The following AHCTF1 variants were observed in gnomAD, a reference collection of about 807,000 sequenced individuals.
The protein encoded by AHCTF1 is protein ELYS.
In AHCTF1, 24 loss-of-function variants were observed where a neutral mutation model predicts 248.4. The observed-to-expected ratio is 0.10, with a 90% CI of 0.07 to 0.14. The LOEUF is 0.14. AHCTF1 is among the 10% of genes least tolerant of loss of function. The probability of loss-of-function intolerance (pLI) is 1.00; values close to 1 mark genes in which losing one functional copy is unlikely to be tolerated. For synonymous variants in AHCTF1, 786 were observed against 929.8 expected, an observed-to-expected ratio of 0.85 and a Z score of 2.81; for missense variants, 2,206 against 2,636.2, an observed-to-expected ratio of 0.84 and a Z score of 3.57.
chr1:246,887,918 G>A (rs1254939027), intron 19 of AHCTF1, among the ~76,000 whole-genome samples: 2 of 152,120 alleles, frequency 1.3e-5, no homozygotes, highest in Admixed American at 1.3e-4. Context: ...CTTTTTGAGT[G>A]TCTTGGACAC....
In AHCTF1 at chr1:246,916,460, C is replaced by T. The variant is rs1666154042; in HGVS notation, c.122-65G>A. On this transcript the variant is annotated intron_variant, in intron 2 of 35. Coordinates refer to ENST00000648844, the MANE Select transcript of AHCTF1 (RefSeq NM_001323342.2). ...ACACAAAACATGCAATAACGGTTAG[C>T]TCATTTACATACAACTATATGTTCA... 4 of 1,406,790 alleles carry T rather than the reference C, an allele frequency of 2.8e-6. No homozygotes were observed. The East Asian group carries it at 9.2e-5, about 32-fold the overall frequency. 87.1% of individuals were successfully genotyped at this position (1,406,790 alleles called of 1,614,324 possible).
chr1:246,897,706 C>G (rs1352341912), intron 12 of AHCTF1, among the ~76,000 whole-genome samples: 1 of 151,926 alleles, frequency 6.6e-6, no homozygotes, highest in Non-Finnish European at 1.5e-5. Flanking sequence ...ACAGGCTGGG[C>G]AAGGTGGCTC....
intron 24 of AHCTF1, 88 bp from the exon 25 acceptor site, chr1:246,867,899 C>CCT (rs1553291123): frequency 1.4e-5 from 8 of 557,362 alleles, no homozygotes; most frequent in Non-Finnish European, 2.1e-5. Flanking sequence ...ACACCCCCCC[C>CCT]CCCACACACA....
At chr1:246,868,972 G>A (rs1003218685) in intron 24 of AHCTF1, among the ~76,000 whole-genome samples, 2 of 142,886 alleles carry the variant, frequency 1.4e-5, no homozygotes, top group African/African-American at 2.7e-5. Context: ...AGCCTGCTGA[G>A]TAGCTGGGAC....
rs1663887232 is a variant in AHCTF1 at position 246,887,306 on chromosome 1, T to G, written c.2377A>C (p.Thr793Pro). ...IMYSFPNKTD[T>P]PIESFPTVFA... ...ACAGTTGGGAAAGATTCAATGGGAG[T>G]GTCTGTTTTGTTGGGAAAGGAATAC... is the stretch of plus-strand genomic sequence containing the variant. Residue 793 changes from threonine to proline, a missense_variant, in exon 20 of 36, where the codon ACT (threonine) becomes CCT (proline). Transcript: ENST00000648844. The G allele has an allele frequency of 2.5e-6, 4 of 1,612,978 alleles. No homozygotes were observed. The highest frequency in any genetic ancestry group is 2.2e-5 in the East Asian group (1 of 44,752).
At chr1:246,860,057 C>T (rs1404589244) in intron 29 of AHCTF1, among the ~76,000 whole-genome samples, 1 of 151,994 alleles carries the variant, frequency 6.6e-6, no homozygotes, top group Non-Finnish European at 1.5e-5. Context: ...GTCAGGAGTT[C>T]GAGACCAGCC....
At chr1:246,868,993 C>T (rs375884310) in intron 24 of AHCTF1, among the ~76,000 whole-genome samples, 2,817 of 151,354 alleles carry the variant, frequency 0.019, 47 homozygotes, top group Non-Finnish European at 0.027. Context: ...TACAGGCGCC[C>T]GCCACCATGC....
chr1:246,847,624 C>T (rs111816815), intron 33 of AHCTF1, among the ~76,000 whole-genome samples: 27,891 of 152,084 alleles, frequency 0.18, 4,228 homozygotes, highest in African/African-American at 0.42. Flanking sequence ...CTCAGCCTCC[C>T]AAGTAGCTGG....
At position 246,849,061 on chromosome 1, in the gene AHCTF1, C is replaced by A. The variant is rs77241159; in HGVS notation, c.6391+554G>T. On this transcript the variant is annotated intron_variant, in intron 33 of 35. Coordinates refer to ENST00000648844, the MANE Select transcript of AHCTF1 (RefSeq NM_001323342.2). ...ATGTGCTCCCTTTGGGGAGAGATCA[C>A]CCCTGTTGAGAAGCTCTGACCTACA... Among the ~76,000 whole-genome samples, 992 of 152,216 alleles carry A rather than the reference C, an allele frequency of 6.5e-3. 7 individuals carry two copies. Among genetic ancestry groups the A allele is most frequent in the African/African-American group, 0.022 (910 of 41,528 alleles).
Position 246,851,062 on chromosome 1 carries a change from G to A in AHCTF1, c.4944C>T (p.Asp1648=), listed in dbSNP as rs1461096806. 1.9e-6 allele frequency: 3 copies of A among 1,613,710 alleles called. No homozygotes were observed. The African/African-American group carries it at 4.0e-5, about 22-fold the overall frequency. The change falls in exon 33 of 36, where the codon GAC becomes GAT. Residue 1648 remains aspartate (D), a synonymous_variant. Transcript: ENST00000648844. The part of the protein sequence containing the change: ...IANLPSAVTS[D]QKSQKVDTLP... ...AAGTGTCTACTTTTTGGGACTTTTG[G>A]TCACTAGTTACGGCAGATGGCAAAT...
At chr1:246,870,323 TG>T (rs1232105269) in intron 24 of AHCTF1, among the ~76,000 whole-genome samples, 1 of 152,082 alleles carries the variant, frequency 6.6e-6, no homozygotes, top group East Asian at 1.9e-4. Context: ...CTCGGAAAGC[TG>T]AGGCAGGAGG....
chr1:246,882,994 T>C (rs899644959), intron 21 of AHCTF1, among the ~76,000 whole-genome samples: 3 of 152,240 alleles, frequency 2.0e-5, no homozygotes, highest in Non-Finnish European at 2.9e-5. Flanking sequence ...AGTCCAAAGA[T>C]TTTGCTCTTA....
chr1:246,912,440 G>A (rs1665878280), intron 4 of AHCTF1, among the ~76,000 whole-genome samples: 1 of 150,610 alleles, frequency 6.6e-6, no homozygotes, highest in African/African-American at 2.4e-5. Context: ...CAGGGATTAC[G>A]CCACTGCACT....
In AHCTF1 at chr1:246,931,532, C is replaced by G. The variant is rs910125219; in HGVS notation, c.-8+46G>C. 3.0e-5 allele frequency: 9 copies of G among 301,466 alleles called. No individual in the cohort carries two copies. The Admixed American group carries it at 4.6e-4, about 16-fold the overall frequency. 18.7% of individuals were successfully genotyped at this position (301,466 alleles called of 1,614,324 possible). ...CGCCGCGGGTCCAGGCCGCGCGACC[C>G]GCCCTCCGCCGCGCGGGCCCAACCC... On this transcript the variant is annotated intron_variant, in intron 1 of 35. Transcript: ENST00000648844.
chr1:246,883,778 G>C (rs1221066383), intron 21 of AHCTF1, among the ~76,000 whole-genome samples: 2 of 152,062 alleles, frequency 1.3e-5, no homozygotes, highest in Non-Finnish European at 2.9e-5. Context: ...CTAGTTTTCT[G>C]GGGACTGGAA....
chr1:246,896,570 G>T (rs574316233), intron 12 of AHCTF1, among the ~76,000 whole-genome samples: 1 of 152,314 alleles, frequency 6.6e-6, no homozygotes, highest in South Asian at 2.1e-4. Context: ...AGGCAGGAAG[G>T]TAAGGGAAAA....
At chr1:246,883,883 G>A (rs1471899026) in intron 21 of AHCTF1, among the ~76,000 whole-genome samples, 2 of 152,100 alleles carry the variant, frequency 1.3e-5, no homozygotes, top group Non-Finnish European at 2.9e-5. Flanking sequence ...AAGGAAATTA[G>A]AACCTGGCAA....
chr1:246,842,342 G>A (rs1659932387), intron 35 of AHCTF1, among the ~76,000 whole-genome samples: 1 of 152,094 alleles, frequency 6.6e-6, no homozygotes, highest in African/African-American at 2.4e-5. Context: ...AGCACTATGG[G>A]AGGCCAAGGC....
Position 246,873,501 on chromosome 1 carries a change from C to T in AHCTF1, c.3088+2536G>A, listed in dbSNP as rs148657554. Among the ~76,000 whole-genome samples the T allele has an allele frequency of 4.5e-3, 678 of 152,160 alleles. 8 individuals are homozygous for T. The highest frequency in any genetic ancestry group is 0.015 in the African/African-American group (631 of 41,438). ...AATACTAAATGTACTAGAGACAATA[C>T]ACTAGTCAATTTCTCCTGCATCACA... On this transcript the variant is annotated intron_variant, in intron 24 of 35. Coordinates refer to ENST00000648844, the MANE Select transcript of AHCTF1 (RefSeq NM_001323342.2).
Sources: gnomAD v4.1 joint callset for allele counts (sites outside exome capture counted in the v4.1 genomes callset) on GRCh38, gnomAD v4.1.1 for gene constraint, MANE v1.5 for transcripts, NCBI Gene and HGNC (gene_info 2026-07-23, HGNC 2026-07-21) for gene names.